LEPR: variants seen among roughly 807,000 people sequenced by gnomAD.
LEPR encodes OB receptor.
Under a neutral mutation model 114.7 loss-of-function variants are expected in LEPR, and 56 were observed. The observed-to-expected ratio is 0.49, with a 90% confidence interval of 0.39 to 0.61. The LOEUF is 0.61. LEPR is among the 20% of genes least tolerant of loss of function. The pLI is 0.00. For synonymous variants in LEPR, 443 were observed against 461.4 expected (o/e 0.96, Z 0.51); for missense variants, 1,202 against 1,352.9 (o/e 0.89, Z 1.75).
chr1:65,574,125 A>G (rs531140625), intron 5 of LEPR, among the ~76,000 whole-genome samples: 1 of 152,160 alleles, frequency 6.6e-6, no homozygotes, highest in African/African-American at 2.4e-5. Flanking sequence ...GATGGGGGTT[A>G]TCTAGTTAAG....
chr1:65,629,826 C>T (rs1014526098), intron 19 of LEPR, among the ~76,000 whole-genome samples: 1 of 152,000 alleles, frequency 6.6e-6, no homozygotes, highest in African/African-American at 2.4e-5. Context: ...CCAGGAACTC[C>T]TCTATCCTCC....
intron 2 of LEPR, among the ~76,000 whole-genome samples, chr1:65,519,851 GT>G (rs982329456): frequency 2.6e-5 from 4 of 150,954 alleles, no homozygotes; most frequent in East Asian, 3.9e-4. Flanking sequence ...AAAAAAAAAT[GT>G]TTTTTTTGTT....
chr1:65,487,902 T>C (rs901787031), intron 2 of LEPR, among the ~76,000 whole-genome samples: 1 of 151,900 alleles, frequency 6.6e-6, no homozygotes, highest in African/African-American at 2.4e-5. Context: ...TCCTTTTCTT[T>C]CTTTCTTTTT....
chr1:65,454,028 AT>A (rs1239941787), intron 2 of LEPR, among the ~76,000 whole-genome samples: 1 of 151,466 alleles, frequency 6.6e-6, no homozygotes, highest in Non-Finnish European at 1.5e-5. Flanking sequence ...TCCCTTTACC[AT>A]TATGTAATGG....
chr1:65,516,393 G>A (rs1345921046), intron 2 of LEPR, among the ~76,000 whole-genome samples: 2 of 152,136 alleles, frequency 1.3e-5, no homozygotes, highest in East Asian at 1.9e-4. Context: ...GCAGTGAGCC[G>A]AGATCACTCC....
chr1:65,591,125 A>G (rs1252817857), intron 5 of LEPR, among the ~76,000 whole-genome samples: 3 of 152,106 alleles, frequency 2.0e-5, no homozygotes, highest in East Asian at 3.9e-4. Context: ...AGTTGTGTTC[A>G]GTTTCCAACT....
At chr1:65,429,776 C>T in intron 2 of LEPR, 1 of 1,126,122 alleles carries the variant, frequency 8.9e-7, no homozygotes, top group Non-Finnish European at 1.2e-6. Flanking sequence ...TTTAAAATAG[C>T]AATGATTTTG....
In LEPR at chr1:65,554,727, C is replaced by T. The variant is rs140311865; in HGVS notation, c.-20-10819C>T. Among the ~76,000 whole-genome samples, 12 of 152,086 alleles carry T rather than the reference C, an allele frequency of 7.9e-5. No individual in the cohort carries two copies. The East Asian group carries it at 2.3e-3, about 29-fold the overall frequency. The stretch of plus-strand genomic sequence containing the variant: ...CGGGGAAGTGAACGGTTCTGTCTGT[C>T]TTGCTGGCATTCCAGGCACTGCTGG... On this transcript the variant is annotated intron_variant, in intron 2 of 19. Coordinates refer to ENST00000349533, the MANE Select transcript of LEPR (RefSeq NM_002303.6).
intron 2 of LEPR, among the ~76,000 whole-genome samples, chr1:65,459,186 A>G (rs866154167): frequency 9.9e-5 from 15 of 152,266 alleles, no homozygotes; most frequent in African/African-American, 3.4e-4. Context: ...GTGACTCAGC[A>G]CCCTTGGATG....
intron 5 of LEPR, chr1:65,576,605 A>G (rs933613937): frequency 1.3e-5 from 2 of 155,788 alleles, no homozygotes; most frequent in African/African-American, 4.9e-5. Context: ...TTACCCAAAT[A>G]CCATTCAAAT....
chr1:65,551,553 A>G (rs560359241), intron 2 of LEPR, among the ~76,000 whole-genome samples: 2 of 152,086 alleles, frequency 1.3e-5, no homozygotes, highest in South Asian at 4.2e-4. Flanking sequence ...ATCAGTGGTG[A>G]TATACCCTTT....
intron 2 of LEPR, among the ~76,000 whole-genome samples, chr1:65,488,190 T>TTCTTTCTTTCTTTCTTTC (rs1452200035): frequency 1.9e-3 from 41 of 21,968 alleles, no homozygotes; most frequent in Non-Finnish European, 2.6e-3. Context: ...CTTTCTTTCT[T>TTCTTTCTTTCTTTCTTTC]TCTTTCTTTC....
chr1:65,526,287 C>A (rs1228165980), intron 2 of LEPR: 2 of 985,276 alleles, frequency 2.0e-6, no homozygotes, highest in South Asian at 9.4e-5. Context: ...CTTTTGTTTC[C>A]CACCTCCCCC....
intron 19 of LEPR, among the ~76,000 whole-genome samples, chr1:65,632,468 G>T (rs1658562126): frequency 6.6e-6 from 1 of 152,092 alleles, no homozygotes; most frequent in Non-Finnish European, 1.5e-5. Flanking sequence ...GGGAAACAAA[G>T]AACATGTTCT....
intron 2 of LEPR, among the ~76,000 whole-genome samples, chr1:65,549,746 C>A (rs1652130090): frequency 6.6e-6 from 1 of 152,112 alleles, no homozygotes; most frequent in African/African-American, 2.4e-5. Context: ...AACTTCTTTG[C>A]CTTTGGTTTG....
intron 2 of LEPR, among the ~76,000 whole-genome samples, chr1:65,545,059 TG>T (rs1348703244): frequency 6.6e-6 from 1 of 150,942 alleles, no homozygotes; most frequent in African/African-American, 2.4e-5. Flanking sequence ...ATGCGGTGTT[TG>T]GTTTTTTGTT....
At chr1:65,598,396 CAT>C (rs1463555570) in intron 7 of LEPR, among the ~76,000 whole-genome samples, 1 of 152,038 alleles carries the variant, frequency 6.6e-6, no homozygotes, top group African/African-American at 2.4e-5. Flanking sequence ...TTCTAAAGGT[CAT>C]ATATTCATCA....
chr1:65,511,282 C>T (rs941850643), intron 2 of LEPR, among the ~76,000 whole-genome samples: 24 of 150,666 alleles, frequency 1.6e-4, no homozygotes, highest in African/African-American at 4.6e-4. Context: ...CACCAACATC[C>T]ACACAACCTG....
intron 11 of LEPR, among the ~76,000 whole-genome samples, chr1:65,606,688 A>T (rs1656832427): frequency 1.3e-5 from 2 of 152,188 alleles, no homozygotes; most frequent in South Asian, 4.1e-4. Context: ...CATATGATTC[A>T]GTTAATTGCA....
Sources: allele counts gnomAD v4.1 joint callset (sites outside exome capture counted in the v4.1 genomes callset), GRCh38; gene constraint gnomAD v4.1.1; transcripts MANE v1.5; gene names NCBI Gene and HGNC (gene_info 2026-07-23, HGNC 2026-07-21).